Variants in TP63 observed in about 807,000 individuals in gnomAD.
TP63 encodes tumor protein 63.
Under a neutral mutation model 82.8 loss-of-function variants are expected in TP63, and 17 were observed. The ratio of observed to expected loss-of-function variants is 0.21; its 90% CI spans 0.14 to 0.31. TP63 has a LOEUF of 0.31. Among genes scored for constraint, TP63 ranks in the 10% least tolerant of loss-of-function variants. TP63 has a pLI of 1.00. For missense variants in TP63, 648 were observed against 895.3 expected (o/e 0.72, Z 3.52); for synonymous variants, 330 against 321.7 (o/e 1.03, Z -0.28).
At position 189,701,209 on chromosome 3, in the gene TP63, G is replaced by A. The variant is rs139731980; in HGVS notation, c.63-36531G>A. Among the ~76,000 whole-genome samples the A allele has an allele frequency of 9.2e-5, 14 of 152,050 alleles. No homozygotes were observed. In the East Asian group the frequency reaches 9.7e-4, roughly 11 times the overall value. ...TCTCAGATATGTCTTTAATAGCAGC[G>A]TGAGAATGGACTAATAGAACTCCAG... On this transcript the variant is annotated intron_variant, in intron 1 of 13. Coordinates refer to ENST00000264731, the MANE Select transcript of TP63 (RefSeq NM_003722.5).
At chr3:189,690,597 C>G (rs1024213843) in intron 1 of TP63, among the ~76,000 whole-genome samples, 1 of 152,148 alleles carries the variant, frequency 6.6e-6, no homozygotes, top group Non-Finnish European at 1.5e-5. Context: ...TGAATTGGTC[C>G]TGGGTGATAC....
chr3:189,848,124 T>C (rs1208987963), intron 4 of TP63, among the ~76,000 whole-genome samples: 1 of 152,174 alleles, frequency 6.6e-6, no homozygotes, highest in African/African-American at 2.4e-5. Context: ...TTCTGGGGCT[T>C]AGATTCCTCA....
chr3:189,851,876 G>A (rs1398627833), intron 4 of TP63, among the ~76,000 whole-genome samples: 1 of 152,178 alleles, frequency 6.6e-6, no homozygotes, highest in Non-Finnish European at 1.5e-5. Flanking sequence ...CTCTCCAGGA[G>A]AGATTTGTCT....
intron 4 of TP63, among the ~76,000 whole-genome samples, chr3:189,824,870 C>G (rs1360192130): frequency 6.6e-6 from 1 of 151,852 alleles, no homozygotes; most frequent in African/African-American, 2.4e-5. Flanking sequence ...TTAGACTCCC[C>G]TAATATCAGT....
At chr3:189,816,006 G>A (rs1048393236) in intron 4 of TP63, among the ~76,000 whole-genome samples, 16 of 152,118 alleles carry the variant, frequency 1.1e-4, no homozygotes, top group African/African-American at 3.9e-4. Flanking sequence ...ATACTTGGAA[G>A]TTTATTGTTT....
chr3:189,892,870 A>T (rs1445319835), intron 13 of TP63, among the ~76,000 whole-genome samples: 2 of 152,182 alleles, frequency 1.3e-5, no homozygotes, highest in Admixed American at 6.5e-5. Context: ...ACAGTAAGAG[A>T]TTAGGAATAC....
the TP63 span, among the ~76,000 whole-genome samples, chr3:189,605,282 C>T: frequency 6.6e-6 from 1 of 152,200 alleles, no homozygotes; most frequent in Non-Finnish European, 1.5e-5. Flanking sequence ...TTATCTTTAA[C>T]AAGAAGTTTC....
chr3:189,770,013 C>T (rs752446056), intron 3 of TP63, among the ~76,000 whole-genome samples: 10 of 152,274 alleles, frequency 6.6e-5, no homozygotes, highest in Non-Finnish European at 1.0e-4. Context: ...AGAAATTATA[C>T]GTTTTTGTGT....
chr3:189,718,817 G>GA (rs1312599225), intron 1 of TP63, among the ~76,000 whole-genome samples: 2 of 151,710 alleles, frequency 1.3e-5, no homozygotes, highest in Admixed American at 1.3e-4. Context: ...GGGAAAGGTG[G>GA]AAAAAGATGG....
In TP63 at chr3:189,647,216, A is replaced by T. The variant is rs139864924; in HGVS notation, c.62+15639A>T. The stretch of plus-strand genomic sequence containing the variant: ...AGGAGGGTTGCTATAAGTAGATAGC[A>T]ACACGAATGCTGATGAGGTCCTTCA... On this transcript the variant is annotated intron_variant, in intron 1 of 13. Coordinates refer to ENST00000264731, the MANE Select transcript of TP63 (RefSeq NM_003722.5). 9.5e-5 allele frequency among the ~76,000 whole-genome samples: 14 copies of T among 147,066 alleles called. 2 individuals carry two copies. The East Asian group carries it at 2.8e-3, about 30-fold the overall frequency.
At chr3:189,697,387 C>T (rs1717468372) in intron 1 of TP63, among the ~76,000 whole-genome samples, 1 of 151,842 alleles carries the variant, frequency 6.6e-6, no homozygotes, top group Non-Finnish European at 1.5e-5. Context: ...CTGAACCTTC[C>T]ATTCTGTTTC....
intron 3 of TP63, among the ~76,000 whole-genome samples, chr3:189,778,868 T>C (rs1270833707): frequency 6.6e-6 from 1 of 152,260 alleles, no homozygotes; most frequent in Non-Finnish European, 1.5e-5. Context: ...AAGAAGAGAA[T>C]GTAAGTAAAT....
At chr3:189,717,791 C>G (rs901356829) in intron 1 of TP63, among the ~76,000 whole-genome samples, 1 of 152,034 alleles carries the variant, frequency 6.6e-6, no homozygotes, top group South Asian at 2.1e-4. Context: ...TTTCTTTTAG[C>G]TTGAAATTGG....
chr3:189,644,969 C>T (rs1712271286), intron 1 of TP63, among the ~76,000 whole-genome samples: 1 of 151,688 alleles, frequency 6.6e-6, no homozygotes, highest in East Asian at 1.9e-4. Flanking sequence ...CCTTTTCCCA[C>T]CCAATTCAGT....
chr3:189,748,788 A>C (rs144325143), intron 3 of TP63, among the ~76,000 whole-genome samples: 3 of 152,258 alleles, frequency 2.0e-5, no homozygotes, highest in African/African-American at 7.2e-5. Context: ...AAAATATGTT[A>C]GAAGCCTAAA....
chr3:189,738,991 G>A (rs191301588), intron 3 of TP63: 4 of 626,788 alleles, frequency 6.4e-6, no homozygotes, highest in East Asian at 5.8e-5. Context: ...CATCCGTGTG[G>A]GGAGGGAGAT....
chr3:189,851,230 G>A (rs1222981582), intron 4 of TP63, among the ~76,000 whole-genome samples: 2 of 152,176 alleles, frequency 1.3e-5, no homozygotes, highest in Non-Finnish European at 2.9e-5. Context: ...TTCAAAGCGA[G>A]CTTGGGAAGG....
chr3:189,711,005 T>C (rs1343582800), intron 1 of TP63, among the ~76,000 whole-genome samples: 1 of 152,188 alleles, frequency 6.6e-6, no homozygotes, highest in Non-Finnish European at 1.5e-5. Flanking sequence ...CAAGAGTGTT[T>C]TCATCAATTA....
intron 4 of TP63, among the ~76,000 whole-genome samples, chr3:189,851,255 T>G (rs936400922): frequency 6.6e-6 from 1 of 152,224 alleles, no homozygotes; most frequent in African/African-American, 2.4e-5. Context: ...CAAAGCAGTC[T>G]GCCTTTAAAT....
Sources: allele counts gnomAD v4.1 joint callset (sites outside exome capture counted in the v4.1 genomes callset), GRCh38; gene constraint gnomAD v4.1.1; transcripts MANE v1.5; gene names NCBI Gene and HGNC (gene_info 2026-07-23, HGNC 2026-07-21).